The following SPPL3 variants were observed in gnomAD, a reference collection of about 807,000 sequenced individuals.
SPPL3 encodes the protein signal peptide peptidase-like 3.
Under a neutral mutation model 42.4 loss-of-function variants are expected in SPPL3, and 5 were observed. The observed-to-expected ratio is 0.12, with a 90% CI of 0.06 to 0.25. The LOEUF is 0.25. Among genes scored for constraint, SPPL3 ranks in the 10% least tolerant of loss-of-function variants. The pLI is 1.00. For missense variants in SPPL3, 235 were observed against 489.0 expected (o/e 0.48, Z 4.90); for synonymous variants, 195 against 181.8 (o/e 1.07, Z -0.58).
At chr12:120,768,200 T>C (rs1868979895) in intron 8 of SPPL3, 125 bp downstream of exon 8, 4 of 1,233,980 alleles carry the variant, frequency 3.2e-6, no homozygotes, top group Middle Eastern at 2.9e-4. Flanking sequence ...CATTTCCTCT[T>C]CTGCAGCATG....
At chr12:120,883,240 G>C (rs1041597478) in intron 1 of SPPL3, among the ~76,000 whole-genome samples, 4 of 151,978 alleles carry the variant, frequency 2.6e-5, no homozygotes, top group African/African-American at 7.3e-5. Flanking sequence ...GGCAGGCAGA[G>C]CTTGCAGTGA....
chr12:120,837,715 T>C (rs1227963479), intron 1 of SPPL3, among the ~76,000 whole-genome samples: 1 of 152,214 alleles, frequency 6.6e-6, no homozygotes, highest in African/African-American at 2.4e-5. Flanking sequence ...AACTACAATA[T>C]GGCAGAGACT....
At chr12:120,890,694 A>G (rs2137065532) in intron 1 of SPPL3, among the ~76,000 whole-genome samples, 1 of 152,294 alleles carries the variant, frequency 6.6e-6, no homozygotes, top group East Asian at 1.9e-4. Flanking sequence ...CATGTCCTCA[A>G]AACTTTAAGG....
chr12:120,870,077 C>T (rs561040488), intron 1 of SPPL3, among the ~76,000 whole-genome samples: 9 of 151,982 alleles, frequency 5.9e-5, no homozygotes, highest in African/African-American at 1.5e-4. Flanking sequence ...GTAAAAGAAA[C>T]GTTCAGTTTT....
At chr12:120,855,557 G>C (rs1260524582) in intron 1 of SPPL3, among the ~76,000 whole-genome samples, 3 of 152,042 alleles carry the variant, frequency 2.0e-5, no homozygotes, top group African/African-American at 7.2e-5. Flanking sequence ...CATGACGGCA[G>C]TTGCCTGTAA....
At chr12:120,883,087 G>A (rs1176945871) in intron 1 of SPPL3, among the ~76,000 whole-genome samples, 6 of 151,740 alleles carry the variant, frequency 4.0e-5, no homozygotes, top group Non-Finnish European at 5.9e-5. Context: ...GGCAGATCAC[G>A]AGGTCAGGAG....
At chr12:120,876,729 C>T (rs992468754) in intron 1 of SPPL3, among the ~76,000 whole-genome samples, 7 of 148,346 alleles carry the variant, frequency 4.7e-5, no homozygotes, top group African/African-American at 9.9e-5. Flanking sequence ...TAGAGGGAAA[C>T]GTATAATTTT....
At chr12:120,768,846 C>T in intron 7 of SPPL3, 107 bp downstream of exon 7, 1 of 926,166 alleles carries the variant, frequency 1.1e-6, no homozygotes, top group Non-Finnish European at 1.7e-6. Context: ...GAGTGATCAG[C>T]AGCTGGGCAA....
chr12:120,826,544 A>G (rs1007468881), intron 1 of SPPL3, among the ~76,000 whole-genome samples: 3 of 152,144 alleles, frequency 2.0e-5, no homozygotes, highest in African/African-American at 7.2e-5. Context: ...CAGCACCACC[A>G]AACAGTGCCA....
intron 1 of SPPL3, among the ~76,000 whole-genome samples, chr12:120,876,624 A>AAAAAAAAAG (rs769591873): frequency 0.065 from 9,388 of 143,590 alleles, 1,298 homozygotes; most frequent in African/African-American, 0.24. Flanking sequence ...CTCAAAAAAA[A>AAAAAAAAAG]AAAAAAAAAA....
chr12:120,789,993 T>G (rs1869861977), intron 3 of SPPL3, among the ~76,000 whole-genome samples: 1 of 152,150 alleles, frequency 6.6e-6, no homozygotes, highest in African/African-American at 2.4e-5. Flanking sequence ...ACAGCAGATT[T>G]ATAATTTGGT....
chr12:120,805,536 CA>C, intron 2 of SPPL3, among the ~76,000 whole-genome samples: 1 of 152,302 alleles, frequency 6.6e-6, no homozygotes, highest in East Asian at 1.9e-4. Context: ...GGGAAAAAGA[CA>C]AAGTCTTTCA....
At chr12:120,794,408 A>AT (rs879353200) in intron 2 of SPPL3, among the ~76,000 whole-genome samples, 7 of 150,634 alleles carry the variant, frequency 4.6e-5, no homozygotes, top group Admixed American at 1.3e-4. Flanking sequence ...TTTTATTTTT[A>AT]TTTTTTTGAG....
intron 2 of SPPL3, among the ~76,000 whole-genome samples, chr12:120,807,447 G>A (rs556026913): frequency 1.3e-5 from 2 of 151,978 alleles, no homozygotes; most frequent in African/African-American, 2.4e-5. Flanking sequence ...AGGCCGAGGC[G>A]GGCAGATCAC....
chr12:120,881,378 A>G (rs1873275594), intron 1 of SPPL3, among the ~76,000 whole-genome samples: 1 of 148,104 alleles, frequency 6.8e-6, no homozygotes, highest in Non-Finnish European at 1.5e-5. Context: ...CTGAGGCAGG[A>G]GAATCACTTG....
At chr12:120,901,964 A>G in intron 1 of SPPL3, 2 of 984,712 alleles carry the variant, frequency 2.0e-6, no homozygotes, top group Non-Finnish European at 2.4e-6. Flanking sequence ...CAGCACAGTA[A>G]AAACAGCAAA....
intron 1 of SPPL3, among the ~76,000 whole-genome samples, chr12:120,883,215 GA>G (rs1873347616): frequency 6.6e-6 from 1 of 151,258 alleles, no homozygotes; most frequent in East Asian, 2.0e-4. Flanking sequence ...TGAGGCAGGA[GA>G]ATGGCATGAA....
chr12:120,786,814 AG>A (rs1869736911), intron 3 of SPPL3, among the ~76,000 whole-genome samples: 1 of 152,206 alleles, frequency 6.6e-6, no homozygotes, highest in Admixed American at 6.5e-5. Flanking sequence ...GGAAAGAAAG[AG>A]GTAATTAATT....
chr12:120,867,151 ACT>A (rs1194059460), intron 1 of SPPL3, among the ~76,000 whole-genome samples: 1 of 152,134 alleles, frequency 6.6e-6, no homozygotes, highest in Non-Finnish European at 1.5e-5. Context: ...CTTGTAGCAC[ACT>A]CTTTTTGAGA....
Sources: allele counts gnomAD v4.1 joint callset (sites outside exome capture counted in the v4.1 genomes callset), GRCh38; gene constraint gnomAD v4.1.1; transcripts MANE v1.5; gene names NCBI Gene and HGNC (gene_info 2026-07-23, HGNC 2026-07-21).